Variants in ANKRD33B observed in about 807,000 individuals in gnomAD.
The protein encoded by ANKRD33B is ankyrin repeat domain 33B.
ANKRD33B carries 6 observed loss-of-function variants against 21.5 expected under a neutral mutation model. That is an observed-to-expected ratio of 0.28 (90% CI 0.15 to 0.55). The LOEUF (loss-of-function observed/expected upper bound fraction) is 0.55. ANKRD33B is among the 20% of genes least tolerant of loss of function. The pLI is 0.94. For missense variants in ANKRD33B, 698 were observed against 747.2 expected, an observed-to-expected ratio of 0.93 and a Z score of 0.77; for synonymous variants, 347 against 342.4, an observed-to-expected ratio of 1.01 and a Z score of -0.15.
chr5:10,599,198 T>G (rs2126567144), intron 1 of ANKRD33B, among the ~76,000 whole-genome samples: 1 of 152,278 alleles, frequency 6.6e-6, no homozygotes, highest in Admixed American at 6.5e-5. Flanking sequence ...CTCAACATAA[T>G]GGTTTTGAGA....
intron 2 of ANKRD33B, among the ~76,000 whole-genome samples, chr5:10,623,055 C>G (rs1380580726): frequency 6.6e-6 from 1 of 152,136 alleles, no homozygotes. Context: ...TGTAGTTTTA[C>G]TTCCAAGTTG....
chr5:10,575,612 C>T (rs895709109), intron 1 of ANKRD33B, among the ~76,000 whole-genome samples: 15 of 152,114 alleles, frequency 9.9e-5, no homozygotes, highest in African/African-American at 3.6e-4. Flanking sequence ...ATGGCTAACA[C>T]CATCTCCAGA....
At chr5:10,637,975 C>T (rs1395354246) in intron 2 of ANKRD33B, 53 bp from the exon 3 acceptor site, 7 of 1,520,618 alleles carry the variant, frequency 4.6e-6, no homozygotes, top group African/African-American at 1.4e-5. Context: ...TGGCTGGAAC[C>T]AGCACATTTT....
chr5:10,600,860 G>A (rs1315337929), intron 1 of ANKRD33B, among the ~76,000 whole-genome samples: 3 of 152,050 alleles, frequency 2.0e-5, no homozygotes, highest in African/African-American at 7.2e-5. Flanking sequence ...TGGGTGTATG[G>A]CGGTATCTCA....
At position 10,597,916 on chromosome 5, in the gene ANKRD33B, T is replaced by A. The variant is rs534283279; in HGVS notation, c.367-20417T>A. On this transcript the variant is annotated intron_variant, in intron 1 of 3. Transcript: ENST00000296657. Reference sequence around the variant, plus strand: ...GGTTATATCTTGTACATACATGTGTTTTTTTCTTTTAGTTTTGGATTTCTG... The same window carrying A: ...GGTTATATCTTGTACATACATGTGTATTTTTCTTTTAGTTTTGGATTTCTG... Among the ~76,000 whole-genome samples the A allele has an allele frequency of 6.6e-3, 1,008 of 152,344 alleles. 8 individuals carry two copies. The highest frequency in any genetic ancestry group is 0.023 in the African/African-American group (951 of 41,572).
intron 2 of ANKRD33B, chr5:10,625,076 A>G: frequency 3.7e-6 from 1 of 269,676 alleles, no homozygotes; most frequent in Non-Finnish European, 7.4e-6. Flanking sequence ...TGTCAGACAG[A>G]CACAGAGGCA....
chr5:10,582,769 C>T (rs1358689520), intron 1 of ANKRD33B, among the ~76,000 whole-genome samples: 2 of 152,234 alleles, frequency 1.3e-5, no homozygotes, highest in Admixed American at 6.5e-5. Context: ...CATGGACTTC[C>T]CGTGGGCTCC....
chr5:10,601,901 G>A (rs1735941891), intron 1 of ANKRD33B, among the ~76,000 whole-genome samples: 1 of 152,230 alleles, frequency 6.6e-6, no homozygotes, highest in African/African-American at 2.4e-5. Flanking sequence ...TGGGGCCAGG[G>A]ATGACTCTTG....
At chr5:10,611,614 G>T (rs190587183) in intron 1 of ANKRD33B, among the ~76,000 whole-genome samples, 3 of 152,286 alleles carry the variant, frequency 2.0e-5, no homozygotes, top group Admixed American at 1.3e-4. Context: ...CCTGCCTCCC[G>T]GCCAGGAAGT....
chr5:10,610,421 A>G (rs936663637), intron 1 of ANKRD33B, among the ~76,000 whole-genome samples: 2 of 150,066 alleles, frequency 1.3e-5, no homozygotes, highest in African/African-American at 5.1e-5. Context: ...CGAATAAAGA[A>G]TTATCTGGCC....
intron 1 of ANKRD33B, among the ~76,000 whole-genome samples, chr5:10,607,685 A>G (rs1384731): frequency 0.87 from 132,691 of 152,254 alleles, 57,894 homozygotes; most frequent in East Asian, 0.94. Context: ...CCTCCTGTGC[A>G]TGCTACTGTA....
At chr5:10,644,168 T>C (rs1737138449) in intron 3 of ANKRD33B, among the ~76,000 whole-genome samples, 1 of 152,224 alleles carries the variant, frequency 6.6e-6, no homozygotes, top group Non-Finnish European at 1.5e-5. Context: ...AAGAAACTAA[T>C]AGCCAGAGCC....
chr5:10,584,722 T>C (rs1428859202), intron 1 of ANKRD33B, among the ~76,000 whole-genome samples: 1 of 152,100 alleles, frequency 6.6e-6, no homozygotes, highest in African/African-American at 2.4e-5. Context: ...CAGACAGAAA[T>C]GGAGATTGCT....
At chr5:10,587,857 G>A (rs1735601580) in intron 1 of ANKRD33B, among the ~76,000 whole-genome samples, 1 of 151,958 alleles carries the variant, frequency 6.6e-6, no homozygotes, top group Non-Finnish European at 1.5e-5. Context: ...GTAATTTTGG[G>A]TCTTTTTTGT....
At chr5:10,629,778 A>G (rs1477752037) in intron 2 of ANKRD33B, among the ~76,000 whole-genome samples, 1 of 152,140 alleles carries the variant, frequency 6.6e-6, no homozygotes, top group South Asian at 2.1e-4. Flanking sequence ...GAATGTTGAG[A>G]GGGCGGAAAA....
intron 2 of ANKRD33B, among the ~76,000 whole-genome samples, chr5:10,635,982 A>G (rs1056151017): frequency 2.6e-5 from 4 of 152,222 alleles, no homozygotes; most frequent in Non-Finnish European, 5.9e-5. Context: ...TTCTGTCTGC[A>G]GAGGTGGGCT....
At chr5:10,574,229 C>G (rs1735266965) in intron 1 of ANKRD33B, among the ~76,000 whole-genome samples, 1 of 152,192 alleles carries the variant, frequency 6.6e-6, no homozygotes, top group Non-Finnish European at 1.5e-5. Flanking sequence ...ATATTTCTTT[C>G]AATTAAAAGG....
chr5:10,569,006 T>C (rs548727468), intron 1 of ANKRD33B, among the ~76,000 whole-genome samples: 1 of 152,320 alleles, frequency 6.6e-6, no homozygotes, highest in South Asian at 2.1e-4. Context: ...ATAGCGATGA[T>C]CAGGGCTTTA....
chr5:10,569,363 G>A (rs964047030), intron 1 of ANKRD33B, among the ~76,000 whole-genome samples: 7 of 152,112 alleles, frequency 4.6e-5, no homozygotes, highest in Admixed American at 6.5e-5. Flanking sequence ...TTGGGAGGCC[G>A]AGGCAGGCAG....
Sources: gnomAD v4.1 joint callset for allele counts (sites outside exome capture counted in the v4.1 genomes callset) on GRCh38, gnomAD v4.1.1 for gene constraint, MANE v1.5 for transcripts, NCBI Gene and HGNC (gene_info 2026-07-23, HGNC 2026-07-21) for gene names.